Variants in SPAG16 observed in about 807,000 individuals in gnomAD.
The protein encoded by SPAG16 is sperm-associated antigen 16 protein.
In SPAG16, 86 loss-of-function variants were observed where a neutral mutation model predicts 80.4. That is an observed-to-expected ratio of 1.07 (90% CI 0.90 to 1.28). The LOEUF (loss-of-function observed/expected upper bound fraction) is 1.28, where lower values mean the gene tolerates loss of function less well. Ranked by LOEUF, SPAG16 falls within the 50% of genes most tolerant of loss-of-function variation. The pLI is 0.00. For synonymous variants in SPAG16, 294 were observed against 265.9 expected (o/e 1.11, Z -1.03); for missense variants, 870 against 765.3 (o/e 1.14, Z -1.61).
intron 10 of SPAG16, among the ~76,000 whole-genome samples, chr2:213,750,567 A>T (rs552689627): frequency 1.3e-5 from 2 of 152,146 alleles, no homozygotes; most frequent in Non-Finnish European, 2.9e-5. Flanking sequence ...ATTCCAATCG[A>T]TTAAAAATTC....
intron 10 of SPAG16, among the ~76,000 whole-genome samples, chr2:213,505,216 A>G (rs921168175): frequency 6.6e-6 from 1 of 152,216 alleles, no homozygotes; most frequent in Non-Finnish European, 1.5e-5. Flanking sequence ...AAAGAGTATT[A>G]TAGAAATGGA....
intron 15 of SPAG16, among the ~76,000 whole-genome samples, chr2:214,365,313 A>G (rs1699406546): frequency 6.6e-6 from 1 of 152,164 alleles, no homozygotes; most frequent in South Asian, 2.1e-4. Flanking sequence ...TTTCCCTATT[A>G]AGTGACTTGA....
chr2:214,076,517 G>C (rs2051080446), intron 13 of SPAG16, among the ~76,000 whole-genome samples: 1 of 72,024 alleles, frequency 1.4e-5, no homozygotes, highest in South Asian at 3.7e-4. Flanking sequence ...TTTATTCTGT[G>C]TGTGTGTGTG....
At chr2:213,886,084 C>A (rs1351324286) in intron 11 of SPAG16, among the ~76,000 whole-genome samples, 1 of 151,958 alleles carries the variant, frequency 6.6e-6, no homozygotes, top group African/African-American at 2.4e-5. Context: ...GCAAAGCATG[C>A]CTGTTTTGGT....
intron 10 of SPAG16, among the ~76,000 whole-genome samples, chr2:213,642,987 T>C (rs1399712889): frequency 1.3e-5 from 2 of 151,510 alleles, no homozygotes; most frequent in African/African-American, 4.8e-5. Flanking sequence ...GATGGCTTAT[T>C]GTGGGACCTT....
intron 15 of SPAG16, among the ~76,000 whole-genome samples, chr2:214,177,786 A>G (rs1456143092): frequency 1.3e-5 from 2 of 148,956 alleles, no homozygotes; most frequent in African/African-American, 4.9e-5. Context: ...ATGAAGTTTT[A>G]TAATAATTAA....
intron 15 of SPAG16, among the ~76,000 whole-genome samples, chr2:214,243,276 C>G (rs930688811): frequency 2.0e-5 from 3 of 152,082 alleles, no homozygotes; most frequent in Admixed American, 6.6e-5. Context: ...AACTTACCAT[C>G]TTTTCAGTGG....
intron 13 of SPAG16, among the ~76,000 whole-genome samples, chr2:214,101,484 C>T (rs544683421): frequency 1.3e-5 from 2 of 151,996 alleles, no homozygotes; most frequent in Non-Finnish European, 2.9e-5. Context: ...GCTGAAAATG[C>T]GAAGTTGGGA....
At chr2:213,763,888 T>C (rs1213387562) in intron 10 of SPAG16, among the ~76,000 whole-genome samples, 5 of 152,200 alleles carry the variant, frequency 3.3e-5, no homozygotes, top group Non-Finnish European at 7.4e-5. Context: ...AAATAAACTT[T>C]GAAGCAGCAG....
chr2:214,224,984 G>T (rs1406749015), intron 15 of SPAG16, among the ~76,000 whole-genome samples: 1 of 152,126 alleles, frequency 6.6e-6, no homozygotes, highest in Admixed American at 6.6e-5. Context: ...GAAGAGATTG[G>T]ATTGCTAACA....
intron 11 of SPAG16, among the ~76,000 whole-genome samples, chr2:213,885,421 T>C (rs2076515960): frequency 6.6e-6 from 1 of 152,216 alleles, no homozygotes; most frequent in African/African-American, 2.4e-5. Context: ...TTGAGGAGCC[T>C]CTGCTACTGA....
chr2:214,288,366 A>T (rs906886150), intron 15 of SPAG16, among the ~76,000 whole-genome samples: 7 of 152,250 alleles, frequency 4.6e-5, no homozygotes, highest in African/African-American at 1.7e-4. Flanking sequence ...TGCTATTGTG[A>T]ATAGTGCCGC....
chr2:213,786,078 C>G (rs375748959), intron 10 of SPAG16, among the ~76,000 whole-genome samples: 1 of 151,458 alleles, frequency 6.6e-6, no homozygotes, highest in African/African-American at 2.4e-5. Context: ...ATTTCTATTT[C>G]ATTAATGTGC....
chr2:214,333,622 T>C (rs961005320), intron 15 of SPAG16, among the ~76,000 whole-genome samples: 8 of 152,220 alleles, frequency 5.3e-5, no homozygotes, highest in Non-Finnish European at 1.0e-4. Context: ...TGGAATACCC[T>C]GTGGGCTCTT....
At chr2:213,781,084 C>T (rs1172307241) in intron 10 of SPAG16, among the ~76,000 whole-genome samples, 3 of 152,166 alleles carry the variant, frequency 2.0e-5, no homozygotes, top group Non-Finnish European at 4.4e-5. Context: ...AGTTACATTA[C>T]AGACATTATA....
intron 10 of SPAG16, among the ~76,000 whole-genome samples, chr2:213,677,673 C>A (rs1321054168): frequency 3.9e-5 from 6 of 152,054 alleles, no homozygotes; most frequent in South Asian, 2.1e-4. Flanking sequence ...ATAATGGGAG[C>A]CTTTGACACC....
intron 15 of SPAG16, among the ~76,000 whole-genome samples, chr2:214,183,808 T>C (rs1329762506): frequency 5.3e-5 from 8 of 151,994 alleles, no homozygotes; most frequent in Non-Finnish European, 7.4e-5. Context: ...TGAAGACCAA[T>C]GAAAGGCTTC....
At chr2:213,288,733 A>AC (rs1248803176) in intron 1 of SPAG16, among the ~76,000 whole-genome samples, 1 of 151,978 alleles carries the variant, frequency 6.6e-6, no homozygotes, top group Non-Finnish European at 1.5e-5. Flanking sequence ...CTTTTTTAAA[A>AC]CTAACATTCT....
At chr2:214,190,489 C>T (rs1016978698) in intron 15 of SPAG16, among the ~76,000 whole-genome samples, 16 of 151,916 alleles carry the variant, frequency 1.1e-4, no homozygotes, top group Non-Finnish European at 1.9e-4. Flanking sequence ...CTATTATATA[C>T]CCTTGTATAC....
Sources: gnomAD v4.1 joint callset for allele counts (sites outside exome capture counted in the v4.1 genomes callset) on GRCh38, gnomAD v4.1.1 for gene constraint, MANE v1.5 for transcripts, NCBI Gene and HGNC (gene_info 2026-07-23, HGNC 2026-07-21) for gene names.